SFXN5: variants seen among roughly 807,000 people sequenced by gnomAD.
SFXN5 encodes sideroflexin 5.
A neutral mutation model predicts 50.2 loss-of-function variants in SFXN5; 43 were observed. The ratio of observed to expected loss-of-function variants is 0.86; its 90% CI spans 0.67 to 1.11. The LOEUF (loss-of-function observed/expected upper bound fraction) is 1.11, where lower values mean the gene tolerates loss of function less well. Among genes scored for constraint, SFXN5 ranks in the 50% least tolerant of loss-of-function variants. The pLI is 0.00. For synonymous variants in SFXN5, 203 were observed against 185.8 expected (o/e 1.09, Z -0.75); for missense variants, 463 against 454.1 (o/e 1.02, Z -0.18).
At chr2:73,015,965 T>C (rs1428665157) in intron 6 of SFXN5, among the ~76,000 whole-genome samples, 1 of 151,824 alleles carries the variant, frequency 6.6e-6, no homozygotes, top group South Asian at 2.1e-4. Flanking sequence ...AAAAAGACTC[T>C]ATATTTCGTC....
At chr2:72,946,978 C>G (rs1672015187) in intron 13 of SFXN5, among the ~76,000 whole-genome samples, 1 of 152,220 alleles carries the variant, frequency 6.6e-6, no homozygotes, top group Non-Finnish European at 1.5e-5. Context: ...CAGTCTTTGC[C>G]TGAGTTGTTC....
intron 3 of SFXN5, among the ~76,000 whole-genome samples, chr2:73,033,219 A>G (rs1298575625): frequency 6.6e-6 from 1 of 152,226 alleles, no homozygotes; most frequent in Admixed American, 6.5e-5. Flanking sequence ...TATTTAACAA[A>G]TATTTATTGA....
Position 73,047,642 on chromosome 2 carries a change from C to T in SFXN5, c.172-6711G>A, listed in dbSNP as rs548311125. Among the ~76,000 whole-genome samples the T allele has an allele frequency of 2.0e-5, 3 of 152,134 alleles. No individual in the cohort carries two copies. The South Asian group carries it at 6.2e-4, about 32-fold the overall frequency. ...GAGTTCCCCTGCACTAGCTCTCTTG[C>T]CTGCCGCCATGTAAGATGTGACTTT... On this transcript the variant is annotated intron_variant, in intron 2 of 13. Coordinates refer to ENST00000272433, the MANE Select transcript of SFXN5 (RefSeq NM_144579.3).
intron 2 of SFXN5, among the ~76,000 whole-genome samples, chr2:73,057,818 G>A (rs1425089620): frequency 7.9e-5 from 12 of 152,182 alleles, no homozygotes; most frequent in Non-Finnish European, 1.2e-4. Context: ...TAAGTGCTCA[G>A]AAGCTCCTCC....
Position 73,059,638 on chromosome 2 carries a change from G to GGTGGATGGTT in SFXN5, c.103-1043_103-1042insAACCATCCAC, listed in dbSNP as rs1254201276. On this transcript the variant is annotated intron_variant, in intron 1 of 13. Coordinates refer to ENST00000272433, the MANE Select transcript of SFXN5 (RefSeq NM_144579.3). ...TCCCACCATGGCACCCCTGCATGAA[G>GGTGGATGGTT]CAACCTCTAACCCCTAATGCCACCC... 63 of 876,654 alleles carry GGTGGATGGTT rather than the reference G, an allele frequency of 7.2e-5. 2 individuals are homozygous for GGTGGATGGTT. In the East Asian group the frequency reaches 9.0e-4, roughly 12 times the overall value. The allele number at this position is 876,654 out of a possible 1,614,324, so 54.3% of individuals were successfully genotyped here. A position where few individuals can be genotyped will look rare whatever the true frequency, so the allele number is the denominator to read the frequency against.
At chr2:73,022,478 AG>A in intron 5 of SFXN5, 43 bp downstream of exon 5, 1 of 1,482,522 alleles carries the variant, frequency 6.7e-7, no homozygotes, top group Non-Finnish European at 9.4e-7. Context: ...GACTGGAGTA[AG>A]CACCCCAGGC....
Position 73,040,885 on chromosome 2 carries a change from C to A in SFXN5, c.218G>T (p.Gly73Val). Reference sequence around the variant, plus strand: ...ATTGGTGACCCCCGGGCGCAGGGTCCCATGCTTATAGTCCTCCAGCAGCTG... The same window carrying A: ...ATTGGTGACCCCCGGGCGCAGGGTCACATGCTTATAGTCCTCCAGCAGCTG... ...AVQLLEDYKH[G>V]TLRPGVTNEQ... Residue 73 changes from glycine to valine, a missense_variant, in exon 3 of 14, where the codon GGG (glycine) becomes GTG (valine). By Grantham distance (109) the Gly-to-Val change is moderately radical (BLOSUM62 -3). Coordinates refer to ENST00000272433, the MANE Select transcript of SFXN5 (RefSeq NM_144579.3). 1 of 1,613,134 alleles carries A rather than the reference C, an allele frequency of 6.2e-7. No homozygotes were observed.
intron 6 of SFXN5, among the ~76,000 whole-genome samples, chr2:73,005,501 CAG>C (rs1674517481): frequency 6.6e-6 from 1 of 152,108 alleles, no homozygotes; most frequent in Non-Finnish European, 1.5e-5. Flanking sequence ...CAGTACCTCT[CAG>C]GATGGTTATG....
intron 9 of SFXN5, among the ~76,000 whole-genome samples, chr2:72,989,030 A>G (rs531265027): frequency 6.6e-6 from 1 of 152,224 alleles, no homozygotes; most frequent in Non-Finnish European, 1.5e-5. Context: ...ATCTTTCGAG[A>G]GCACAGGCTT....
At chr2:72,946,221 C>T (rs1177265922) in intron 13 of SFXN5, among the ~76,000 whole-genome samples, 1 of 152,038 alleles carries the variant, frequency 6.6e-6, no homozygotes, top group Admixed American at 6.5e-5. Context: ...TCTGATGACA[C>T]CTCCCCTTCA....
At position 72,971,675 on chromosome 2, in the gene SFXN5, A is replaced by G. The variant is rs1448945583; in HGVS notation, c.636T>C (p.Asn212=). 1.2e-6 allele frequency: 2 copies of G among 1,613,556 alleles called. No homozygotes were observed. Among genetic ancestry groups the G allele is most frequent in the Non-Finnish European group, 1.7e-6 (2 of 1,179,592 alleles). ...ACCGCATCAGGACCACATTGCAGAT[A>G]TTGGCACTGGCTGCAGAGAGAGGGG... ...FVPFPAVASA[N]ICNVVLMRYG... Residue 212 remains asparagine, a synonymous_variant, in exon 11 of 14, where the codon AAT becomes AAC. Transcript: ENST00000272433.
chr2:73,036,117 A>T (rs1333502076), intron 3 of SFXN5, among the ~76,000 whole-genome samples: 1 of 152,226 alleles, frequency 6.6e-6, no homozygotes, highest in Non-Finnish European at 1.5e-5. Flanking sequence ...GCCACTGTCC[A>T]GACTGAGAAC....
chr2:73,071,535 C>A, intron 1 of SFXN5, 69 bp downstream of exon 1: 1 of 1,467,290 alleles, frequency 6.8e-7, no homozygotes, highest in Non-Finnish European at 9.3e-7. Context: ...CGGAAGGGGA[C>A]TTTGGAGGGG....
intron 13 of SFXN5, among the ~76,000 whole-genome samples, chr2:72,947,691 A>AC (rs1672108388): frequency 6.6e-6 from 1 of 151,734 alleles, no homozygotes; most frequent in South Asian, 2.1e-4. Context: ...AGAAGAGAGG[A>AC]CCCTTCCTCT....
At chr2:72,958,355 C>G (rs1673334837) in intron 13 of SFXN5, among the ~76,000 whole-genome samples, 1 of 152,170 alleles carries the variant, frequency 6.6e-6, no homozygotes, top group African/African-American at 2.4e-5. Flanking sequence ...CTGGTGTTTC[C>G]TCTCCTATCG....
At chr2:73,047,344 CATAT>C (rs1272345732) in intron 2 of SFXN5, among the ~76,000 whole-genome samples, 2 of 100,258 alleles carry the variant, frequency 2.0e-5, no homozygotes, top group Non-Finnish European at 4.0e-5. Context: ...TATATATGTA[CATAT>C]ATATGTGTAT....
chr2:72,984,356 GCA>G (rs900241875), intron 10 of SFXN5, among the ~76,000 whole-genome samples: 1 of 152,210 alleles, frequency 6.6e-6, no homozygotes, highest in South Asian at 2.1e-4. Context: ...ACAGGCGTGT[GCA>G]CACACACACT....
At chr2:73,025,868 G>C (rs770192162) in intron 3 of SFXN5, among the ~76,000 whole-genome samples, 4 of 152,218 alleles carry the variant, frequency 2.6e-5, no homozygotes, top group Admixed American at 2.0e-4. Context: ...TTATTCTCCA[G>C]AGAAGCTAAA....
intron 1 of SFXN5, chr2:73,059,924 T>G: frequency 2.1e-6 from 2 of 949,652 alleles, no homozygotes; most frequent in Non-Finnish European, 1.3e-6. Context: ...CAAAGGTGGA[T>G]GGTTAAATAA....
Sources: gnomAD v4.1 joint callset for allele counts (sites outside exome capture counted in the v4.1 genomes callset) on GRCh38, gnomAD v4.1.1 for gene constraint, MANE v1.5 for transcripts, NCBI Gene and HGNC (gene_info 2026-07-23, HGNC 2026-07-21) for gene names.